The following NELL1 variants were observed in gnomAD, a reference collection of about 807,000 sequenced individuals.
The protein encoded by NELL1 is neural EGFL like 1, also known as protein kinase C-binding protein NELL1.
Under a neutral mutation model 107.4 loss-of-function variants are expected in NELL1, and 76 were observed. The observed-to-expected ratio is 0.71, with a 90% CI of 0.59 to 0.86. NELL1 has a LOEUF of 0.86. Ranked by LOEUF, NELL1 falls within the 40% of genes least tolerant of loss-of-function variation. NELL1 has a pLI of 0.00. For missense variants in NELL1, 1,024 were observed against 1,005.5 expected, an observed-to-expected ratio of 1.02 and a Z score of -0.25; for synonymous variants, 353 against 341.2, an observed-to-expected ratio of 1.03 and a Z score of -0.38.
At chr11:20,872,116 A>G (rs1184062547) in intron 4 of NELL1, among the ~76,000 whole-genome samples, 2 of 149,766 alleles carry the variant, frequency 1.3e-5, no homozygotes, top group Non-Finnish European at 3.0e-5. Flanking sequence ...GCTCCCAGCC[A>G]AGCCTGACTC....
At chr11:20,900,436 A>G (rs1406920688) in intron 5 of NELL1, among the ~76,000 whole-genome samples, 1 of 152,186 alleles carries the variant, frequency 6.6e-6, no homozygotes, top group Non-Finnish European at 1.5e-5. Flanking sequence ...AGGTATGGAC[A>G]CAGTGAGGAG....
At chr11:20,823,339 C>T (rs891457225) in intron 3 of NELL1, among the ~76,000 whole-genome samples, 11 of 151,084 alleles carry the variant, frequency 7.3e-5, no homozygotes, top group Non-Finnish European at 1.2e-4. Context: ...GCGAAACTGT[C>T]GCCATGATTC....
intron 11 of NELL1, among the ~76,000 whole-genome samples, chr11:20,955,397 A>G (rs567177656): frequency 6.6e-6 from 1 of 152,324 alleles, no homozygotes; most frequent in Non-Finnish European, 1.5e-5. Flanking sequence ...AGGTTTTGCT[A>G]TCTGAGAGGA....
At chr11:21,102,229 T>A (rs1318529117) in intron 12 of NELL1, among the ~76,000 whole-genome samples, 2 of 152,204 alleles carry the variant, frequency 1.3e-5, no homozygotes, top group African/African-American at 4.8e-5. Flanking sequence ...TTTTACCTTA[T>A]CCCTGTCCCA....
intron 17 of NELL1, 73 bp downstream of exon 17, chr11:21,560,455 C>T (rs1226827215): frequency 1.0e-5 from 13 of 1,292,844 alleles, no homozygotes; most frequent in Non-Finnish European, 1.4e-5. Context: ...ACCTCCCCAG[C>T]TCTCTCCCTC....
chr11:21,536,836 A>G (rs559962498), intron 16 of NELL1, among the ~76,000 whole-genome samples: 4 of 152,134 alleles, frequency 2.6e-5, no homozygotes, highest in Admixed American at 6.5e-5. Context: ...TCTTGTTTCA[A>G]TGTTACCTGT....
chr11:21,404,562 A>G (rs78444723), intron 15 of NELL1, among the ~76,000 whole-genome samples: 4 of 151,992 alleles, frequency 2.6e-5, no homozygotes, highest in Non-Finnish European at 4.4e-5. Context: ...GACTTGCTCA[A>G]GGAGTAAGAG....
intron 15 of NELL1, among the ~76,000 whole-genome samples, chr11:21,482,685 A>T (rs1590966457): frequency 6.7e-6 from 1 of 149,658 alleles, no homozygotes; most frequent in African/African-American, 2.5e-5. Flanking sequence ...CAGATTACTC[A>T]CTCTCCAGTG....
intron 15 of NELL1, among the ~76,000 whole-genome samples, chr11:21,526,457 C>T (rs562833609): frequency 4.6e-5 from 7 of 152,204 alleles, no homozygotes; most frequent in African/African-American, 1.7e-4. Flanking sequence ...GGATGGTGGC[C>T]CTCTTCTCAC....
chr11:21,098,428 C>T (rs1425629681), intron 12 of NELL1, among the ~76,000 whole-genome samples: 6 of 152,180 alleles, frequency 3.9e-5, no homozygotes, highest in Non-Finnish European at 8.8e-5. Flanking sequence ...CCTCATCGCC[C>T]AGCATAGCTC....
intron 14 of NELL1, among the ~76,000 whole-genome samples, chr11:21,248,599 G>T (rs1858555833): frequency 6.6e-6 from 1 of 152,028 alleles, no homozygotes. Context: ...GGAGAAAGTA[G>T]GTGGTGAGGA....
At chr11:21,164,473 G>A (rs906045376) in intron 13 of NELL1, among the ~76,000 whole-genome samples, 7 of 152,036 alleles carry the variant, frequency 4.6e-5, no homozygotes, top group East Asian at 1.9e-4. Context: ...TAACTGTGGG[G>A]TGTTTGTTCC....
chr11:21,285,214 T>C lies in NELL1; in HGVS notation c.1549+55760T>C, dbSNP rs1849089257. On this transcript the variant is annotated intron_variant, in intron 14 of 19. Transcript: ENST00000357134. ...TCTAAATGAATTGAGGACATTCTTA[T>C]CTATTTTAGTCCACAATTCTCCCTT... is the stretch of plus-strand genomic sequence containing the variant. Among the ~76,000 whole-genome samples the C allele has an allele frequency of 2.0e-5, 3 of 152,220 alleles. No homozygotes were observed. In the South Asian group the frequency reaches 6.2e-4, roughly 32 times the overall value.
At chr11:21,308,835 A>G (rs767949929) in intron 14 of NELL1, among the ~76,000 whole-genome samples, 10 of 151,992 alleles carry the variant, frequency 6.6e-5, no homozygotes, top group Non-Finnish European at 1.5e-4. Flanking sequence ...AACCACTCAC[A>G]TACAGTATGT....
intron 13 of NELL1, among the ~76,000 whole-genome samples, chr11:21,212,716 C>T (rs1857525918): frequency 6.6e-6 from 1 of 152,172 alleles, no homozygotes; most frequent in Non-Finnish European, 1.5e-5. Flanking sequence ...TCTACCTCCA[C>T]CCAGCATTGA....
intron 17 of NELL1, among the ~76,000 whole-genome samples, chr11:21,570,478 C>G (rs1564966481): frequency 6.6e-6 from 1 of 151,782 alleles, no homozygotes; most frequent in African/African-American, 2.4e-5. Flanking sequence ...ACTTATAATT[C>G]TTACTTAGAA....
rs528870520 is a variant in NELL1 at position 21,470,692 on chromosome 11, A to G, written c.1646-63682A>G. ...TGTGAACACCTCAAGGACAGAAGCC[A>G]TGCCTTAGTCATCTTGATATTGCCA... is the stretch of plus-strand genomic sequence containing the variant. On this transcript the variant is annotated intron_variant, in intron 15 of 19. Transcript: ENST00000357134. 1.4e-4 allele frequency among the ~76,000 whole-genome samples: 21 copies of G among 152,208 alleles called. No homozygotes were observed. In the East Asian group the frequency reaches 2.9e-3, roughly 21 times the overall value.
intron 2 of NELL1, among the ~76,000 whole-genome samples, chr11:20,726,818 T>G (rs1392175839): frequency 6.6e-6 from 1 of 151,568 alleles, no homozygotes; most frequent in Non-Finnish European, 1.5e-5. Context: ...CATTGTTCAG[T>G]TCCCACCTAT....
intron 4 of NELL1, among the ~76,000 whole-genome samples, chr11:20,877,913 G>A (rs1265429720): frequency 6.6e-6 from 1 of 152,144 alleles, no homozygotes; most frequent in African/African-American, 2.4e-5. Flanking sequence ...ATGTCTAATG[G>A]GAAGTGGGTG....
Sources: gnomAD v4.1 joint callset for allele counts (sites outside exome capture counted in the v4.1 genomes callset) on GRCh38, gnomAD v4.1.1 for gene constraint, MANE v1.5 for transcripts, NCBI Gene and HGNC (gene_info 2026-07-23, HGNC 2026-07-21) for gene names.